The following VPS13B variants were observed in gnomAD, a reference collection of about 807,000 sequenced individuals.
VPS13B encodes intermembrane lipid transfer protein VPS13B.
In VPS13B, 285 loss-of-function variants were observed where a neutral mutation model predicts 426.4. That is an observed-to-expected ratio of 0.67 (90% CI 0.61 to 0.74). The LOEUF is 0.74. VPS13B is among the 30% of genes least tolerant of loss of function. The pLI is 0.00. For synonymous variants in VPS13B, 1,676 were observed against 1,676.4 expected (o/e 1.00, Z 0.01); for missense variants, 4,537 against 4,782.6 (o/e 0.95, Z 1.51).
intron 24 of VPS13B, among the ~76,000 whole-genome samples, chr8:99,477,440 G>A (rs773546227): frequency 7.9e-5 from 12 of 152,154 alleles, no homozygotes; most frequent in South Asian, 2.1e-4. Context: ...GCTAAAAGCC[G>A]TGAGCCAATT....
intron 17 of VPS13B, among the ~76,000 whole-genome samples, chr8:99,198,619 T>G (rs1032608779): frequency 6.6e-6 from 1 of 152,168 alleles, no homozygotes; most frequent in African/African-American, 2.4e-5. Context: ...GATTGTTATT[T>G]GTAACCTCAA....
chr8:99,557,508 T>C (rs999995027), intron 31 of VPS13B, among the ~76,000 whole-genome samples: 3 of 152,170 alleles, frequency 2.0e-5, no homozygotes, highest in African/African-American at 7.2e-5. Flanking sequence ...TAGACCATGG[T>C]GTATATATAC....
At chr8:99,741,637 G>A (rs535234730) in intron 39 of VPS13B, among the ~76,000 whole-genome samples, 4 of 152,214 alleles carry the variant, frequency 2.6e-5, no homozygotes, top group African/African-American at 7.2e-5. Flanking sequence ...TCAGACCACA[G>A]TGCAATCAAA....
intron 57 of VPS13B, among the ~76,000 whole-genome samples, chr8:99,859,853 T>C (rs1443437040): frequency 6.6e-6 from 1 of 152,214 alleles, no homozygotes; most frequent in Admixed American, 6.5e-5. Flanking sequence ...TAAATGTAGA[T>C]ACAGTTGTCA....
chr8:99,869,456 G>A (rs1008967901), intron 59 of VPS13B, among the ~76,000 whole-genome samples: 5 of 152,168 alleles, frequency 3.3e-5, no homozygotes, highest in Non-Finnish European at 5.9e-5. Context: ...CATCCGGAGA[G>A]CATCCTTAAG....
At chr8:99,442,959 A>G (rs1817747027) in intron 23 of VPS13B, among the ~76,000 whole-genome samples, 1 of 152,160 alleles carries the variant, frequency 6.6e-6, no homozygotes, top group African/African-American at 2.4e-5. Context: ...AAGTAGATTG[A>G]TCTTAATTTA....
intron 17 of VPS13B, among the ~76,000 whole-genome samples, chr8:99,258,016 CTTG>C (rs1370570062): frequency 1.5e-5 from 2 of 130,856 alleles, no homozygotes; most frequent in Non-Finnish European, 3.3e-5. Context: ...TTTGTTTTTT[CTTG>C]TTATTATTTT....
rs78434474 is a variant in VPS13B, at chr8:99,687,655, C to T, written c.6047-11870C>T. Reference sequence around the variant, plus strand: ...AAGTCCCACAATCACTACTCTCTCCCGCCCACAAATGCACAGATTCTCTCT... The same window carrying T: ...AAGTCCCACAATCACTACTCTCTCCTGCCCACAAATGCACAGATTCTCTCT... On this transcript the variant is annotated intron_variant, in intron 35 of 61. Coordinates refer to ENST00000357162, the MANE Select transcript of VPS13B (RefSeq NM_152564.5). 2.6e-3 allele frequency among the ~76,000 whole-genome samples: 396 copies of T among 152,082 alleles called. 10 individuals are homozygous for T. In the East Asian group the frequency reaches 0.038, roughly 14 times the overall value.
At position 99,137,689 on chromosome 8, in the gene VPS13B, C is replaced by T. The variant is rs906917588; in HGVS notation, c.1651+937C>T. On this transcript the variant is annotated intron_variant, in intron 12 of 61. Transcript: ENST00000357162. The stretch of plus-strand genomic sequence containing the variant: ...TCTAAATGTTGATGTTTTCATTGGT[C>T]AATCCTTAATTTCTTTCCCTAAACT... Among the ~76,000 whole-genome samples, 3 of 152,124 alleles carry T rather than the reference C, an allele frequency of 2.0e-5. No homozygotes were observed. The East Asian group carries it at 5.8e-4, about 29-fold the overall frequency.
At chr8:99,784,509 GT>G in intron 43 of VPS13B, 33 bp downstream of exon 43, 1 of 1,613,038 alleles carries the variant, frequency 6.2e-7, no homozygotes, top group Non-Finnish European at 8.5e-7. Flanking sequence ...AACAGCCATT[GT>G]TAAGGTTGGG....
At chr8:99,628,775 G>T (rs1563832858) in intron 33 of VPS13B, among the ~76,000 whole-genome samples, 1 of 143,256 alleles carries the variant, frequency 7.0e-6, no homozygotes, top group East Asian at 2.0e-4. Context: ...CTAGCTATGT[G>T]TTTTTTTTTT....
chr8:99,275,351 G>GTTCT (rs1818844916), intron 19 of VPS13B, 97 bp downstream of exon 19: 1 of 1,233,236 alleles, frequency 8.1e-7, no homozygotes, highest in Non-Finnish European at 1.1e-6. Context: ...TTTTTTTTAG[G>GTTCT]TATTTTTGTC....
chr8:99,517,350 T>C (rs1200689242), intron 29 of VPS13B, among the ~76,000 whole-genome samples: 1 of 152,222 alleles, frequency 6.6e-6, no homozygotes, highest in Non-Finnish European at 1.5e-5. Context: ...CAGAGTTGTT[T>C]ATAGCCTTTT....
At chr8:99,368,764 C>T (rs891696718) in intron 19 of VPS13B, among the ~76,000 whole-genome samples, 1 of 152,088 alleles carries the variant, frequency 6.6e-6, no homozygotes, top group African/African-American at 2.4e-5. Flanking sequence ...TCCTTAAATG[C>T]ACACTTGAGA....
At chr8:99,251,675 T>C (rs1817519479) in intron 17 of VPS13B, among the ~76,000 whole-genome samples, 1 of 152,168 alleles carries the variant, frequency 6.6e-6, no homozygotes, top group African/African-American at 2.4e-5. Context: ...ATCAGGGTGA[T>C]TCTAGCTTCA....
At chr8:99,762,810 C>T (rs1441466416) in intron 39 of VPS13B, among the ~76,000 whole-genome samples, 1 of 151,956 alleles carries the variant, frequency 6.6e-6, no homozygotes, top group African/African-American at 2.4e-5. Flanking sequence ...TCTTATCCCC[C>T]TTTTACACAT....
chr8:99,072,915 G>A lies in VPS13B; in HGVS notation c.292-23397G>A, dbSNP rs1430937896. Among the ~76,000 whole-genome samples, 4 of 152,202 alleles carry A rather than the reference G, an allele frequency of 2.6e-5. No homozygotes were observed. The South Asian group carries it at 8.3e-4, about 32-fold the overall frequency. ...AAAAATCAGGTGGCTGTAAATACATGGATTTATTTCTGGGTTCTCTTTTCT... is the reference window on the plus strand; with the variant it reads ...AAAAATCAGGTGGCTGTAAATACATAGATTTATTTCTGGGTTCTCTTTTCT... On this transcript the variant is annotated intron_variant, in intron 3 of 61. Coordinates refer to ENST00000357162, the MANE Select transcript of VPS13B (RefSeq NM_152564.5).
chr8:99,188,074 G>A lies in VPS13B; in HGVS notation c.2334-4802G>A, dbSNP rs1205436160. ...GGACATTTTTTTTTTTTTTTTTTTT[G>A]TGAGGGAAGGCATTGGTATTTGAAT... On this transcript the variant is annotated intron_variant, in intron 16 of 61. Coordinates refer to ENST00000357162, the MANE Select transcript of VPS13B (RefSeq NM_152564.5). 5.5e-4 allele frequency among the ~76,000 whole-genome samples: 11 copies of A among 19,864 alleles called. No homozygotes were observed. The East Asian group carries it at 9.8e-3, about 18-fold the overall frequency. 13.0% of individuals were successfully genotyped at this position (19,864 alleles called of 152,430 possible).
At position 99,067,466 on chromosome 8, in the gene VPS13B, G is replaced by T. The variant is rs189963162; in HGVS notation, c.292-28846G>T. Among the ~76,000 whole-genome samples, 40 of 152,226 alleles carry T rather than the reference G, an allele frequency of 2.6e-4. 1 individual carries two copies. In the East Asian group the frequency reaches 6.0e-3, roughly 23 times the overall value. On this transcript the variant is annotated intron_variant, in intron 3 of 61. Coordinates refer to ENST00000357162, the MANE Select transcript of VPS13B (RefSeq NM_152564.5). ...AATGAGAACACTTGGACACAGGGCG[G>T]GGAACATCACACCCTGGGTCCTATC...
Sources: allele counts gnomAD v4.1 joint callset (sites outside exome capture counted in the v4.1 genomes callset), GRCh38; gene constraint gnomAD v4.1.1; transcripts MANE v1.5; gene names NCBI Gene and HGNC (gene_info 2026-07-23, HGNC 2026-07-21).